The following PCMTD2 variants were observed in gnomAD, a reference collection of about 807,000 sequenced individuals.
PCMTD2 encodes protein-L-isoaspartate (D-aspartate) O-methyltransferase domain containing 2.
In PCMTD2, 16 loss-of-function variants were observed where a neutral mutation model predicts 33.4. That is an observed-to-expected ratio of 0.48 (90% CI 0.32 to 0.73). The LOEUF is 0.73. Ranked by LOEUF, PCMTD2 falls within the 30% of genes least tolerant of loss-of-function variation. PCMTD2 has a pLI of 0.03. For missense variants in PCMTD2, 374 were observed against 449.9 expected (o/e 0.83, Z 1.53); for synonymous variants, 161 against 160.8 (o/e 1.00, Z -0.01).
rs1158027434 is a variant in PCMTD2, at chr20:64,273,171, G to A, written c.707-50G>A. The A allele has an allele frequency of 3.3e-6, 5 of 1,525,878 alleles. No homozygotes were observed. In the South Asian group the frequency reaches 3.7e-5, roughly 11 times the overall value. 94.5% of individuals were successfully genotyped at this position (1,525,878 alleles called of 1,614,324 possible). Reference sequence around the variant, plus strand: ...GGGTCTTAGGTGTGTAGGCGTTGTGGTGGTGTCACTCCGATGCATTTGACT... The same window carrying A: ...GGGTCTTAGGTGTGTAGGCGTTGTGATGGTGTCACTCCGATGCATTTGACT... On this transcript the variant is annotated intron_variant, in intron 5 of 5. Coordinates refer to ENST00000308824, the MANE Select transcript of PCMTD2 (RefSeq NM_018257.3).
At chr20:64,259,480 C>G (rs1303008962) in intron 1 of PCMTD2, among the ~76,000 whole-genome samples, 5 of 151,146 alleles carry the variant, frequency 3.3e-5, no homozygotes, top group African/African-American at 1.2e-4. Context: ...CCTCTGCCTC[C>G]CGGGTTCAAG....
At chr20:64,263,187 C>A (rs566791161) in intron 2 of PCMTD2, among the ~76,000 whole-genome samples, 1 of 152,120 alleles carries the variant, frequency 6.6e-6, no homozygotes, top group Non-Finnish European at 1.5e-5. Flanking sequence ...GAATTGAAGT[C>A]GGAGTTGTCA....
intron 4 of PCMTD2, 24 bp from the exon 5 acceptor site, chr20:64,267,863 A>C: frequency 6.2e-7 from 1 of 1,606,210 alleles, no homozygotes; most frequent in Non-Finnish European, 8.5e-7. Flanking sequence ...TCTTTTGAAT[A>C]TTCTCATTTT....
intron 1 of PCMTD2, among the ~76,000 whole-genome samples, chr20:64,258,249 G>T (rs2145752444): frequency 6.6e-6 from 1 of 152,304 alleles, no homozygotes; most frequent in East Asian, 1.9e-4. Flanking sequence ...ACTGTGGTAG[G>T]CTAGGGTGCA....
At chr20:64,266,081 A>C (rs1985645235) in intron 4 of PCMTD2, among the ~76,000 whole-genome samples, 1 of 152,118 alleles carries the variant, frequency 6.6e-6, no homozygotes, top group Admixed American at 6.5e-5. Context: ...TTTTAATAAA[A>C]ATTTGGAGAT....
chr20:64,260,317 G>A lies in PCMTD2; in HGVS notation c.307+45G>A. The stretch of plus-strand genomic sequence containing the variant: ...CTGAAAACTCATCTGTCTCAGGGAA[G>A]GAGGCATCTCCTTTGACAGAAAATG... On this transcript the variant is annotated intron_variant, in intron 2 of 5. Coordinates refer to ENST00000308824, the MANE Select transcript of PCMTD2 (RefSeq NM_018257.3). The A allele has an allele frequency of 5.1e-6, 7 of 1,370,384 alleles. No homozygotes were observed. In the South Asian group the frequency reaches 8.5e-5, roughly 17 times the overall value. 84.9% of individuals were successfully genotyped at this position (1,370,384 alleles called of 1,614,324 possible). A position where few individuals can be genotyped will look rare whatever the true frequency, so the allele number is the denominator to read the frequency against.
chr20:64,267,003 T>G (rs1208689775), intron 4 of PCMTD2, among the ~76,000 whole-genome samples: 3 of 152,254 alleles, frequency 2.0e-5, no homozygotes, highest in African/African-American at 7.2e-5. Context: ...ACGTGGCGAC[T>G]TAATCCTTTT....
chr20:64,258,905 T>C (rs895430344), intron 1 of PCMTD2: 1 of 152,202 alleles, frequency 6.6e-6, no homozygotes, highest in Non-Finnish European at 1.5e-5. Flanking sequence ...TTGGAAAGGA[T>C]ATTTTTGTAG....
chr20:64,267,146 C>G (rs1985692717), intron 4 of PCMTD2, among the ~76,000 whole-genome samples: 1 of 152,154 alleles, frequency 6.6e-6, no homozygotes, highest in Non-Finnish European at 1.5e-5. Flanking sequence ...GTGTAGGCCA[C>G]TTGGAGACTG....
At chr20:64,269,938 G>A (rs7261676) in intron 5 of PCMTD2, among the ~76,000 whole-genome samples, 1,873 of 149,158 alleles carry the variant, frequency 0.013, 26 homozygotes, top group African/African-American at 0.044. Context: ...CCTGCACGGT[G>A]TGGGGTCCCG....
At chr20:64,272,245 GCACAA>G in intron 5 of PCMTD2, 1 of 338,410 alleles carries the variant, frequency 3.0e-6, no homozygotes, top group Middle Eastern at 3.8e-4. Flanking sequence ...TAAACGTTGT[GCACAA>G]CACAAGAGCT....
intron 4 of PCMTD2, among the ~76,000 whole-genome samples, chr20:64,265,889 A>T (rs1374508103): frequency 6.6e-6 from 1 of 152,162 alleles, no homozygotes; most frequent in East Asian, 1.9e-4. Flanking sequence ...GCCTAGTGAG[A>T]GTCTTGTCCA....
At chr20:64,266,439 G>A (rs1412695732) in intron 4 of PCMTD2, among the ~76,000 whole-genome samples, 1 of 152,136 alleles carries the variant, frequency 6.6e-6, no homozygotes. Flanking sequence ...TGTATTTTTA[G>A]TAGAGACAGG....
Position 64,275,314 on chromosome 20 carries a change from C to T in PCMTD2, c.*1714C>T, listed in dbSNP as rs1986064899. 2 of 152,074 alleles carry T rather than the reference C, an allele frequency of 1.3e-5. No individual in the cohort carries two copies. Among genetic ancestry groups the T allele is most frequent in the South Asian group, 4.1e-4 (2 of 4,826 alleles). The allele number at this position is 152,074 out of a possible 1,614,324, so 9.4% of individuals were successfully genotyped here. A position where few individuals can be genotyped will look rare whatever the true frequency, so the allele number is the denominator to read the frequency against. Reference sequence around the variant, plus strand: ...CTTGTGGGCATTATTCTAACTGATACGTAGACACTTACTTGGAAATTTTTG... The same window carrying T: ...CTTGTGGGCATTATTCTAACTGATATGTAGACACTTACTTGGAAATTTTTG... On this transcript the variant is annotated 3_prime_UTR_variant, in exon 6 of 6. Transcript: ENST00000308824.
chr20:64,266,901 GT>G (rs1985684619), intron 4 of PCMTD2, among the ~76,000 whole-genome samples: 1 of 152,016 alleles, frequency 6.6e-6, no homozygotes, highest in African/African-American at 2.4e-5. Flanking sequence ...TGAAATACTT[GT>G]TTTTCATTGT....
chr20:64,273,042 T>C (rs1985969984), intron 5 of PCMTD2, among the ~76,000 whole-genome samples, 179 bp from the exon 6 acceptor site: 1 of 152,234 alleles, frequency 6.6e-6, no homozygotes, highest in Non-Finnish European at 1.5e-5. Context: ...TTTTGAAAAG[T>C]ACCATATGAT....
At position 64,275,205 on chromosome 20, in the gene PCMTD2, T is replaced by G. The variant is rs1303983731; in HGVS notation, c.*1605T>G. On this transcript the variant is annotated 3_prime_UTR_variant, in exon 6 of 6. Transcript: ENST00000308824. ...AGAAAGTTAGTTCATAGTTGTTGCC[T>G]TTTAACTCATAGTCAAGCTTCAGTC... The G allele has an allele frequency of 6.6e-6, 1 of 152,238 alleles. No homozygotes were observed. Among genetic ancestry groups the G allele is most frequent in the Non-Finnish European group, 1.5e-5 (1 of 68,028 alleles). 9.4% of individuals were successfully genotyped at this position (152,238 alleles called of 1,614,324 possible). A position where few individuals can be genotyped will look rare whatever the true frequency, so the allele number is the denominator to read the frequency against.
At chr20:64,265,712 TTCCTTCCCCTTC>T in intron 4 of PCMTD2, 1 of 316,108 alleles carries the variant, frequency 3.2e-6, no homozygotes, top group Non-Finnish European at 5.8e-6. Flanking sequence ...CACCTCCCTC[TTCCTTCCCCTTC>T]TCCTTCCCCC....
intron 1 of PCMTD2, chr20:64,258,697 T>A (rs1985269928): frequency 6.6e-6 from 1 of 152,154 alleles, no homozygotes; most frequent in Non-Finnish European, 1.5e-5. Flanking sequence ...CAGAGGAATG[T>A]GAGGAGGAAA....
Sources: gnomAD v4.1 joint callset for allele counts (sites outside exome capture counted in the v4.1 genomes callset) on GRCh38, gnomAD v4.1.1 for gene constraint, MANE v1.5 for transcripts, NCBI Gene and HGNC (gene_info 2026-07-23, HGNC 2026-07-21) for gene names.